Variants in OPCML observed in about 807,000 individuals in gnomAD.
OPCML encodes the protein opioid-binding protein/cell adhesion molecule.
OPCML carries 13 observed loss-of-function variants against 37.8 expected under a neutral mutation model. The ratio of observed to expected loss-of-function variants is 0.34; its 90% CI spans 0.22 to 0.55. The LOEUF (loss-of-function observed/expected upper bound fraction) is 0.55. OPCML is among the 20% of genes least tolerant of loss of function. The pLI is 0.91. For synonymous variants in OPCML, 176 were observed against 168.8 expected, an observed-to-expected ratio of 1.04 and a Z score of -0.33; for missense variants, 341 against 435.6, an observed-to-expected ratio of 0.78 and a Z score of 1.93.
intron 1 of OPCML, among the ~76,000 whole-genome samples, chr11:132,955,159 G>T (rs935043634): frequency 2.6e-5 from 4 of 152,106 alleles, no homozygotes; most frequent in African/African-American, 9.7e-5. Flanking sequence ...GACGGAGATG[G>T]GGATCTGGGG....
chr11:133,450,484 A>G (rs1308179501), intron 1 of OPCML, among the ~76,000 whole-genome samples: 2 of 151,612 alleles, frequency 1.3e-5, no homozygotes, highest in Non-Finnish European at 2.9e-5. Context: ...CTGGGATATA[A>G]TATGGAGACT....
At chr11:132,544,488 G>A (rs1219788534) in intron 3 of OPCML, among the ~76,000 whole-genome samples, 1 of 152,176 alleles carries the variant, frequency 6.6e-6, no homozygotes, top group Non-Finnish European at 1.5e-5. Flanking sequence ...AGCTTAGGCT[G>A]AAATTATTGG....
intron 4 of OPCML, among the ~76,000 whole-genome samples, chr11:132,467,010 T>C (rs1261218585): frequency 2.0e-5 from 3 of 152,174 alleles, no homozygotes; most frequent in East Asian, 1.9e-4. Flanking sequence ...AAGGAACAGA[T>C]AAGACCATTC....
At chr11:133,075,495 C>G (rs1010170403) in intron 1 of OPCML, among the ~76,000 whole-genome samples, 2 of 152,164 alleles carry the variant, frequency 1.3e-5, no homozygotes, top group African/African-American at 4.8e-5. Flanking sequence ...TGCCGGGAAG[C>G]AGTTCGACAC....
At chr11:133,152,090 G>T (rs1949995088) in intron 1 of OPCML, among the ~76,000 whole-genome samples, 1 of 152,050 alleles carries the variant, frequency 6.6e-6, no homozygotes, top group South Asian at 2.1e-4. Context: ...CCCATGTATT[G>T]TTTCTACCTT....
chr11:133,256,792 T>C (rs1941325211), intron 1 of OPCML, among the ~76,000 whole-genome samples: 1 of 152,140 alleles, frequency 6.6e-6, no homozygotes, highest in Non-Finnish European at 1.5e-5. Context: ...CAGTTAAAAG[T>C]GTGCAGTTTG....
intron 1 of OPCML, among the ~76,000 whole-genome samples, chr11:133,474,198 G>A (rs1403402751): frequency 6.6e-6 from 1 of 152,024 alleles, no homozygotes; most frequent in Non-Finnish European, 1.5e-5. Context: ...GCTCTTAATT[G>A]GCCAGTCTCT....
intron 1 of OPCML, among the ~76,000 whole-genome samples, chr11:132,952,285 A>AATTG (rs1217883132): frequency 9.2e-5 from 14 of 152,116 alleles, no homozygotes; most frequent in Non-Finnish European, 5.9e-5. Flanking sequence ...GAGTGGTAAG[A>AATTG]ATTGACTGGG....
chr11:133,186,119 A>G (rs1938059763), intron 1 of OPCML, among the ~76,000 whole-genome samples: 1 of 152,196 alleles, frequency 6.6e-6, no homozygotes, highest in Non-Finnish European at 1.5e-5. Context: ...TAGTTTGTTC[A>G]TGAGACTTGG....
At chr11:133,314,191 CG>C (rs2136602340) in intron 1 of OPCML, among the ~76,000 whole-genome samples, 1 of 134,512 alleles carries the variant, frequency 7.4e-6, no homozygotes, top group East Asian at 2.4e-4. Flanking sequence ...GCCGAGATCG[CG>C]CCACTGCACT....
At chr11:133,338,084 T>C (rs1461224676) in intron 1 of OPCML, among the ~76,000 whole-genome samples, 1 of 152,162 alleles carries the variant, frequency 6.6e-6, no homozygotes, top group African/African-American at 2.4e-5. Flanking sequence ...TTACATTCTC[T>C]GTTTTCCATC....
intron 1 of OPCML, among the ~76,000 whole-genome samples, chr11:133,241,975 C>CT (rs1300815413): frequency 6.6e-6 from 1 of 152,218 alleles, no homozygotes; most frequent in Admixed American, 6.5e-5. Flanking sequence ...CTACCAACAT[C>CT]TTTTTCTGCA....
intron 2 of OPCML, among the ~76,000 whole-genome samples, chr11:132,694,572 T>TA (rs1565781569): frequency 6.6e-6 from 1 of 152,172 alleles, no homozygotes; most frequent in Non-Finnish European, 1.5e-5. Context: ...AAAGAAGATA[T>TA]AAAAAATGAA....
chr11:132,994,850 G>T (rs546073063), intron 1 of OPCML, among the ~76,000 whole-genome samples: 1 of 152,180 alleles, frequency 6.6e-6, no homozygotes, highest in East Asian at 1.9e-4. Context: ...CCTCAGGAAC[G>T]CTTAATGGAT....
At chr11:133,045,852 G>A (rs1386520679) in intron 1 of OPCML, among the ~76,000 whole-genome samples, 4 of 152,218 alleles carry the variant, frequency 2.6e-5, no homozygotes, top group African/African-American at 9.7e-5. Flanking sequence ...TCTTCTCAAA[G>A]TAACTTGCAA....
chr11:133,106,440 A>C (rs1217909491), intron 1 of OPCML, among the ~76,000 whole-genome samples: 2 of 152,228 alleles, frequency 1.3e-5, no homozygotes, highest in Non-Finnish European at 1.5e-5. Context: ...GAATTTATCA[A>C]ATGCCTTAGA....
rs367896763 is a variant in OPCML, at chr11:132,471,492, C to T, written c.506-34133G>A. Among the ~76,000 whole-genome samples, 24 of 152,280 alleles carry T rather than the reference C, an allele frequency of 1.6e-4. No homozygotes were observed. The South Asian group carries it at 5.0e-3, about 32-fold the overall frequency. On this transcript the variant is annotated intron_variant, in intron 4 of 7. Coordinates refer to ENST00000524381, the MANE Select transcript of OPCML (RefSeq NM_001012393.5). ...AGTGTTATAAGGTTGTGGCCAAATG[C>T]CAGCTGGGGCTGCAACCATCAGAAA...
At chr11:132,554,863 G>GTTTTTTTTTTTTTTTTT (rs5795789) in intron 3 of OPCML, among the ~76,000 whole-genome samples, 14 of 64,010 alleles carry the variant, frequency 2.2e-4, no homozygotes, top group East Asian at 1.5e-3. Context: ...ATGGGGTAAA[G>GTTTTTTTTTTTTTTTTT]TTTTTTTTTT....
At chr11:133,417,746 G>A (rs1237348425) in intron 1 of OPCML, among the ~76,000 whole-genome samples, 1 of 151,460 alleles carries the variant, frequency 6.6e-6, no homozygotes, top group Non-Finnish European at 1.5e-5. Context: ...CTTGTTACTA[G>A]GAAATTCGGG....
Sources: gnomAD v4.1 joint callset for allele counts (sites outside exome capture counted in the v4.1 genomes callset) on GRCh38, gnomAD v4.1.1 for gene constraint, MANE v1.5 for transcripts, NCBI Gene and HGNC (gene_info 2026-07-23, HGNC 2026-07-21) for gene names.